Variants in TXLNB observed in about 807,000 individuals in gnomAD.
The protein encoded by TXLNB is taxilin beta, also known as beta-taxilin.
TXLNB carries 37 observed loss-of-function variants against 57.4 expected under a neutral mutation model. The observed-to-expected ratio is 0.64, with a 90% CI of 0.50 to 0.85. TXLNB has a LOEUF of 0.85. Among genes scored for constraint, TXLNB ranks in the 40% least tolerant of loss-of-function variants. TXLNB has a pLI of 0.00. For synonymous variants in TXLNB, 302 were observed against 309.6 expected, an observed-to-expected ratio of 0.98 and a Z score of 0.26; for missense variants, 848 against 825.6, an observed-to-expected ratio of 1.03 and a Z score of -0.33.
At chr6:139,234,497 G>T in the TXLNB span, 2 of 152,432 alleles carry the variant, frequency 1.3e-5, no homozygotes, top group Admixed American at 1.3e-4. Flanking sequence ...GCTAAAAGGG[G>T]TCAAGGTACA....
the TXLNB span, among the ~76,000 whole-genome samples, chr6:139,298,693 G>A: frequency 3.3e-5 from 5 of 152,206 alleles, no homozygotes; most frequent in South Asian, 1.0e-3. Context: ...AAGAGGATGT[G>A]AAGGTCAAGT....
chr6:139,227,495 T>C, the TXLNB span, among the ~76,000 whole-genome samples: 2 of 152,244 alleles, frequency 1.3e-5, no homozygotes, highest in Non-Finnish European at 2.9e-5. Flanking sequence ...TGTTACAATC[T>C]ATTTGGAAAA....
the TXLNB span, chr6:139,170,499 G>A: frequency 6.6e-6 from 1 of 152,302 alleles, no homozygotes; most frequent in Non-Finnish European, 1.5e-5. Context: ...ATGTCAAAAG[G>A]TGGACTGGAT....
At chr6:139,322,220 A>G in the TXLNB span, among the ~76,000 whole-genome samples, 7 of 152,166 alleles carry the variant, frequency 4.6e-5, no homozygotes, top group Non-Finnish European at 1.0e-4. Flanking sequence ...TGGGTAATTT[A>G]TAAAGAACAG....
intron 6 of TXLNB, among the ~76,000 whole-genome samples, chr6:139,259,467 G>A (rs1171751615): frequency 1.3e-5 from 2 of 152,164 alleles, no homozygotes; most frequent in Non-Finnish European, 2.9e-5. Context: ...GGCGTTTGTT[G>A]CTGCTGCAGA....
chr6:139,168,001 T>A, the TXLNB span, among the ~76,000 whole-genome samples: 7 of 152,182 alleles, frequency 4.6e-5, no homozygotes, highest in African/African-American at 1.7e-4. Context: ...ATGAGACACA[T>A]CACATATAAC....
At chr6:139,181,217 G>GGCCTTGTCGGCATGA in the TXLNB span, among the ~76,000 whole-genome samples, 1 of 152,210 alleles carries the variant, frequency 6.6e-6, no homozygotes, top group Non-Finnish European at 1.5e-5. Context: ...CAAAATGCAA[G>GGCCTTGTCGGCATGA]GCCTTGTCGG....
At chr6:139,208,617 G>T in the TXLNB span, among the ~76,000 whole-genome samples, 4 of 152,284 alleles carry the variant, frequency 2.6e-5, no homozygotes, top group South Asian at 8.3e-4. Context: ...TTTCATATGG[G>T]TTTACAGGGA....
At chr6:139,322,672 T>A in the TXLNB span, among the ~76,000 whole-genome samples, 29 of 152,188 alleles carry the variant, frequency 1.9e-4, no homozygotes, top group Middle Eastern at 6.8e-3. Context: ...CGGTGCAGAG[T>A]TCAACCACCT....
At chr6:139,204,340 G>A in the TXLNB span, among the ~76,000 whole-genome samples, 1 of 152,174 alleles carries the variant, frequency 6.6e-6, no homozygotes, top group Non-Finnish European at 1.5e-5. Context: ...ACAGGCATGA[G>A]CCACTGCTCC....
intron 4 of TXLNB, 29 bp downstream of exon 4, chr6:139,270,427 T>C (rs1211617903): frequency 3.1e-6 from 5 of 1,588,694 alleles, no homozygotes; most frequent in Admixed American, 3.6e-5. Flanking sequence ...ATTCAAGAAA[T>C]TATGTTATTC....
At chr6:139,196,100 G>A in the TXLNB span, among the ~76,000 whole-genome samples, 3 of 151,968 alleles carry the variant, frequency 2.0e-5, no homozygotes, top group Admixed American at 6.6e-5. Flanking sequence ...CTTTGGGGAG[G>A]AAAGGGTGAG....
the TXLNB span, among the ~76,000 whole-genome samples, chr6:139,172,908 A>G: frequency 6.6e-6 from 1 of 152,214 alleles, no homozygotes; most frequent in Non-Finnish European, 1.5e-5. Context: ...ACCCTCGGTT[A>G]ACTCTTAGTA....
At chr6:139,198,470 G>T in the TXLNB span, among the ~76,000 whole-genome samples, 1 of 152,114 alleles carries the variant, frequency 6.6e-6, no homozygotes, top group African/African-American at 2.4e-5. Context: ...AGCATCTCAG[G>T]CCGGGGTGCC....
the TXLNB span, among the ~76,000 whole-genome samples, chr6:139,315,164 C>T: frequency 1.5e-4 from 23 of 152,210 alleles, no homozygotes; most frequent in East Asian, 2.9e-3. Flanking sequence ...CAGAAGACAG[C>T]GAGAAAACCT....
the TXLNB span, among the ~76,000 whole-genome samples, chr6:139,163,843 G>A: frequency 6.6e-6 from 1 of 152,066 alleles, no homozygotes; most frequent in Non-Finnish European, 1.5e-5. Flanking sequence ...TAGTCCTAGG[G>A]ATTTGACCTT....
chr6:139,163,651 C>T, the TXLNB span, among the ~76,000 whole-genome samples: 1 of 152,156 alleles, frequency 6.6e-6, no homozygotes, highest in Admixed American at 6.6e-5. Context: ...ACTGCGCTGT[C>T]CCCTGACTGC....
upstream of TXLNB, among the ~76,000 whole-genome samples, chr6:139,294,516 G>A (rs1262647415): frequency 1.3e-5 from 2 of 152,054 alleles, no homozygotes; most frequent in African/African-American, 4.8e-5. Flanking sequence ...TAGATTATGA[G>A]GGTAGAGCTT....
In TXLNB at chr6:139,285,889, G is replaced by A. The variant is rs1036205014; in HGVS notation, c.424+2587C>T. On this transcript the variant is annotated intron_variant, in intron 2 of 9. Coordinates refer to ENST00000358430, the MANE Select transcript of TXLNB (RefSeq NM_153235.4). ...TCATTTCTTTCATTTCAGATGCCAA[G>A]GGGAAAGTGACTTTACCCACGAGAG... 4.1e-5 allele frequency among the ~76,000 whole-genome samples: 6 copies of A among 145,544 alleles called. 2 individuals carry two copies. The highest frequency in any genetic ancestry group is 1.0e-4 in the African/African-American group (4 of 39,538).
Sources: allele counts gnomAD v4.1 joint callset (sites outside exome capture counted in the v4.1 genomes callset), GRCh38; gene constraint gnomAD v4.1.1; transcripts MANE v1.5; gene names NCBI Gene and HGNC (gene_info 2026-07-23, HGNC 2026-07-21).